SLC44A1: variants seen among roughly 807,000 people sequenced by gnomAD.
SLC44A1 encodes choline transporter-like protein 1.
A neutral mutation model predicts 79.3 loss-of-function variants in SLC44A1; 26 were observed. The ratio of observed to expected loss-of-function variants is 0.33; its 90% CI spans 0.24 to 0.46. The LOEUF (loss-of-function observed/expected upper bound fraction) is 0.46, where lower values mean the gene tolerates loss of function less well. Among genes scored for constraint, SLC44A1 ranks in the 20% least tolerant of loss-of-function variants. SLC44A1 has a pLI of 1.00. For synonymous variants in SLC44A1, 263 were observed against 286.2 expected, an observed-to-expected ratio of 0.92 and a Z score of 0.82; for missense variants, 688 against 798.1, an observed-to-expected ratio of 0.86 and a Z score of 1.66.
At chr9:105,315,612 A>C (rs1485768317) in intron 3 of SLC44A1, among the ~76,000 whole-genome samples, 1 of 152,210 alleles carries the variant, frequency 6.6e-6, no homozygotes, top group South Asian at 2.1e-4. Context: ...TTCTGGGCCT[A>C]TACTATACCA....
chr9:105,246,300 G>A (rs944196612), intron 1 of SLC44A1, among the ~76,000 whole-genome samples: 3 of 151,782 alleles, frequency 2.0e-5, no homozygotes, highest in Non-Finnish European at 4.4e-5. Context: ...GAGAGAAAAT[G>A]ACTAGAATTG....
At chr9:105,310,402 CTTAA>C (rs1186876233) in intron 3 of SLC44A1, among the ~76,000 whole-genome samples, 6 of 152,020 alleles carry the variant, frequency 3.9e-5, no homozygotes, top group African/African-American at 9.7e-5. Context: ...AAATTCCTGA[CTTAA>C]TTGACTGTTT....
intron 5 of SLC44A1, among the ~76,000 whole-genome samples, chr9:105,349,293 G>T (rs1050554921): frequency 6.6e-6 from 1 of 152,036 alleles, no homozygotes; most frequent in African/African-American, 2.4e-5. Flanking sequence ...TGTACTTGAG[G>T]CCACTTTAAT....
In SLC44A1 at chr9:105,244,864, C is replaced by T; in HGVS notation, c.-5C>T. 2 of 1,149,500 alleles carry T rather than the reference C, an allele frequency of 1.7e-6. No individual in the cohort carries two copies. Among genetic ancestry groups the T allele is most frequent in the Non-Finnish European group, 2.1e-6 (2 of 936,460 alleles). 71.2% of individuals were successfully genotyped at this position (1,149,500 alleles called of 1,614,324 possible). A position where few individuals can be genotyped will look rare whatever the true frequency, so the allele number is the denominator to read the frequency against. On this transcript the variant is annotated 5_prime_UTR_variant, in exon 1 of 16. Coordinates refer to ENST00000374720, the MANE Select transcript of SLC44A1 (RefSeq NM_080546.5). ...GCGCCGCCTCCGGGCTCCTTCGGCCCCGCCATGGGCTGCTGCAGCTCCGCC... is the reference window on the plus strand; with the variant it reads ...GCGCCGCCTCCGGGCTCCTTCGGCCTCGCCATGGGCTGCTGCAGCTCCGCC...
At chr9:105,424,667 T>C (rs1324168900) in intron 15 of SLC44A1, among the ~76,000 whole-genome samples, 1 of 151,670 alleles carries the variant, frequency 6.6e-6, no homozygotes, top group African/African-American at 2.4e-5. Flanking sequence ...AGAAAATTGG[T>C]TGGGTACAGT....
At chr9:105,381,440 T>C in intron 13 of SLC44A1, among the ~76,000 whole-genome samples, 1 of 150,918 alleles carries the variant, frequency 6.6e-6, no homozygotes, top group Admixed American at 6.6e-5. Flanking sequence ...TCCCAGCTAC[T>C]TGGGAGGCTG....
intron 15 of SLC44A1, among the ~76,000 whole-genome samples, chr9:105,407,301 G>A (rs780957845): frequency 5.9e-5 from 9 of 152,200 alleles, no homozygotes; most frequent in Non-Finnish European, 1.2e-4. Context: ...AAGTGATAAA[G>A]ACATGAATGC....
chr9:105,413,586 T>C (rs1008698464), intron 15 of SLC44A1, among the ~76,000 whole-genome samples: 2 of 152,260 alleles, frequency 1.3e-5, no homozygotes, highest in African/African-American at 4.8e-5. Flanking sequence ...TTCTCCACAG[T>C]TGGGCTTGAT....
chr9:105,255,101 G>GTTTTTTTTTTTTTT (rs74312883), intron 1 of SLC44A1, among the ~76,000 whole-genome samples: 1 of 111,884 alleles, frequency 8.9e-6, no homozygotes, highest in Non-Finnish European at 2.0e-5. Context: ...AGGTTTTTTT[G>GTTTTTTTTTTTTTT]TTTTTTTTTT....
chr9:105,291,966 A>C lies in SLC44A1; in HGVS notation c.37-7254A>C, dbSNP rs12345584. On this transcript the variant is annotated intron_variant, in intron 1 of 15. Coordinates refer to ENST00000374720, the MANE Select transcript of SLC44A1 (RefSeq NM_080546.5). Reference sequence around the variant, plus strand: ...TTTATACCTCCCAGTTGATCAGAAAAAAATATAAGAGTATGAGTGGTGCTG... The same window carrying C: ...TTTATACCTCCCAGTTGATCAGAAACAAATATAAGAGTATGAGTGGTGCTG... Among the ~76,000 whole-genome samples, 905 of 152,288 alleles carry C rather than the reference A, an allele frequency of 5.9e-3. 10 individuals are homozygous for C. The highest frequency in any genetic ancestry group is 0.02 in the African/African-American group (833 of 41,566).
intron 2 of SLC44A1, among the ~76,000 whole-genome samples, chr9:105,304,962 T>TG (rs1564426162): frequency 3.9e-5 from 4 of 103,412 alleles, no homozygotes; most frequent in African/African-American, 1.7e-4. Flanking sequence ...TTTTTTTTTT[T>TG]TTTTTTTTTT....
At chr9:105,294,088 C>T (rs556617804) in intron 1 of SLC44A1, among the ~76,000 whole-genome samples, 1 of 152,146 alleles carries the variant, frequency 6.6e-6, no homozygotes, top group Non-Finnish European at 1.5e-5. Context: ...CTTGAATTCT[C>T]CAGTAGTAGT....
intron 5 of SLC44A1, 114 bp downstream of exon 5, chr9:105,348,565 T>C (rs1588812804): frequency 1.7e-6 from 1 of 600,752 alleles, no homozygotes; most frequent in Non-Finnish European, 2.9e-6. Context: ...CCAGGTCCAA[T>C]ACTTTTATTA....
chr9:105,315,166 A>T (rs1211347732), intron 3 of SLC44A1, among the ~76,000 whole-genome samples: 1 of 152,116 alleles, frequency 6.6e-6, no homozygotes, highest in African/African-American at 2.4e-5. Context: ...CAAAGCCCTT[A>T]TACAATCTAG....
rs1828869612 is a variant in SLC44A1 at position 105,396,026 on chromosome 9, G to A, written c.*6970G>A. ...ATTTTCCCCCATCCTCTAGGTTCCT[G>A]TAGTCTGTGCTCAGAACTTGGTTTT... On this transcript the variant is annotated 3_prime_UTR_variant, in exon 16 of 16. Coordinates refer to ENST00000374720, the MANE Select transcript of SLC44A1 (RefSeq NM_080546.5). 1.0e-6 allele frequency: 1 copy of A among 984,922 alleles called. No individual in the cohort carries two copies. Among genetic ancestry groups the A allele is most frequent in the African/African-American group, 1.8e-5 (1 of 57,114 alleles). The allele number at this position is 984,922 out of a possible 1,614,324, so 61.0% of individuals were successfully genotyped here.
At chr9:105,406,287 G>A (rs12115219) in intron 15 of SLC44A1, among the ~76,000 whole-genome samples, 4,736 of 152,080 alleles carry the variant, frequency 0.031, 226 homozygotes, top group African/African-American at 0.11. Flanking sequence ...AATAAACAAC[G>A]ATAACCCACA....
In SLC44A1 at chr9:105,392,987, C is replaced by G. The variant is rs2131486598; in HGVS notation, c.*3931C>G. The G allele has an allele frequency of 1.0e-6, 1 of 984,950 alleles. No homozygotes were observed. Among genetic ancestry groups the G allele is most frequent in the South Asian group, 4.7e-5 (1 of 21,278 alleles). The allele number at this position is 984,950 out of a possible 1,614,324, so 61.0% of individuals were successfully genotyped here. On this transcript the variant is annotated 3_prime_UTR_variant, in exon 16 of 16. Coordinates refer to ENST00000374720, the MANE Select transcript of SLC44A1 (RefSeq NM_080546.5). ...AAAAACAACAACAACAAATAAAACT[C>G]TCAGAGTCTGGAGGCTTATCAGTGC...
chr9:105,356,650 A>T (rs1389519629), intron 6 of SLC44A1, among the ~76,000 whole-genome samples: 1 of 152,186 alleles, frequency 6.6e-6, no homozygotes, highest in Non-Finnish European at 1.5e-5. Flanking sequence ...CTACTTTAAT[A>T]TGAGAGCAAG....
At chr9:105,315,274 T>TG (rs201759481) in intron 3 of SLC44A1, among the ~76,000 whole-genome samples, 9 of 134,590 alleles carry the variant, frequency 6.7e-5, no homozygotes, top group Middle Eastern at 3.6e-3. Flanking sequence ...TTTGTTTGTT[T>TG]TTTTTTTTTT....
Sources: allele counts gnomAD v4.1 joint callset (sites outside exome capture counted in the v4.1 genomes callset), GRCh38; gene constraint gnomAD v4.1.1; transcripts MANE v1.5; gene names NCBI Gene and HGNC (gene_info 2026-07-23, HGNC 2026-07-21).